The following OR1J2 variants were observed in gnomAD, a reference collection of about 807,000 sequenced individuals.
The protein encoded by OR1J2 is olfactory receptor 1J2.
For synonymous variants in OR1J2, 142 were observed against 99.7 expected (o/e 1.42, Z -2.52); for missense variants, 304 against 246.1 (o/e 1.24, Z -1.57).
At chr9:122,498,321 AC>A in the OR1J2 span, among the ~76,000 whole-genome samples, 2 of 152,148 alleles carry the variant, frequency 1.3e-5, no homozygotes, top group East Asian at 3.8e-4. Flanking sequence ...GCTCATTAAA[AC>A]AAATTTTTAA....
chr9:122,449,006 G>GT, the OR1J2 span: 1 of 140,044 alleles, frequency 7.1e-6, no homozygotes, highest in Non-Finnish European at 1.6e-5. Flanking sequence ...GCGATAATAA[G>GT]TAAAAAAAAA....
chr9:122,477,918 A>G, the OR1J2 span: 3 of 1,592,162 alleles, frequency 1.9e-6, no homozygotes, highest in Non-Finnish European at 2.6e-6. Flanking sequence ...TCTGGTTCTC[A>G]GGGCTCATGT....
At chr9:122,449,620 C>T in the OR1J2 span, among the ~76,000 whole-genome samples, 6 of 152,186 alleles carry the variant, frequency 3.9e-5, no homozygotes, top group Non-Finnish European at 7.3e-5. Flanking sequence ...CCTTCCGCCT[C>T]GGCCTTCCAA....
the OR1J2 span, among the ~76,000 whole-genome samples, chr9:122,516,973 G>GAA: frequency 1.3e-5 from 2 of 152,158 alleles, no homozygotes; most frequent in African/African-American, 4.8e-5. Context: ...TCAGGAGGGA[G>GAA]AAATAAAGGA....
At chr9:122,472,571 G>A in the OR1J2 span, among the ~76,000 whole-genome samples, 1 of 152,234 alleles carries the variant, frequency 6.6e-6, no homozygotes, top group Non-Finnish European at 1.5e-5. Context: ...GGTACCCCAT[G>A]CATTTGGCCC....
the OR1J2 span, among the ~76,000 whole-genome samples, chr9:122,496,402 C>T: frequency 7.2e-5 from 11 of 152,136 alleles, no homozygotes; most frequent in African/African-American, 7.2e-5. Flanking sequence ...AGGCTTGCCG[C>T]GGCTTCTGTG....
the OR1J2 span, among the ~76,000 whole-genome samples, chr9:122,528,362 C>T: frequency 4.6e-5 from 7 of 152,196 alleles, no homozygotes; most frequent in South Asian, 6.2e-4. Flanking sequence ...TTTGGGAGAC[C>T]GAGGCAGGCG....
the OR1J2 span, among the ~76,000 whole-genome samples, chr9:122,522,873 C>A: frequency 1.3e-5 from 2 of 152,142 alleles, no homozygotes; most frequent in South Asian, 4.1e-4. Flanking sequence ...AGTGCCTTAA[C>A]GTAATAACAC....
the OR1J2 span, among the ~76,000 whole-genome samples, chr9:122,466,116 C>G: frequency 1.3e-5 from 2 of 152,062 alleles, no homozygotes; most frequent in African/African-American, 4.8e-5. Flanking sequence ...AAGGCCAGGC[C>G]CAATATTGAA....
chr9:122,552,057 A>ACTCT, the OR1J2 span, among the ~76,000 whole-genome samples: 5,639 of 144,050 alleles, frequency 0.039, 131 homozygotes, highest in Middle Eastern at 0.079. Flanking sequence ...ACACACATAC[A>ACTCT]CTCTCTCTCT....
At chr9:122,454,614 G>A in the OR1J2 span, among the ~76,000 whole-genome samples, 1 of 152,056 alleles carries the variant, frequency 6.6e-6, no homozygotes, top group African/African-American at 2.4e-5. Flanking sequence ...GCTTCTCTGG[G>A]TAGACATCTC....
chr9:122,472,825 T>C, the OR1J2 span, among the ~76,000 whole-genome samples: 6 of 152,176 alleles, frequency 3.9e-5, no homozygotes, highest in Non-Finnish European at 8.8e-5. Context: ...AACCAACCTT[T>C]GTGCTGCCAA....
chr9:122,484,487 A>T, the OR1J2 span, among the ~76,000 whole-genome samples: 4 of 152,038 alleles, frequency 2.6e-5, no homozygotes, highest in Non-Finnish European at 5.9e-5. Flanking sequence ...AATTTAATGG[A>T]ACTACTTTGG....
Position 122,511,198 on chromosome 9 carries a change from A to G in OR1J2, c.397A>G (p.Thr133Ala), listed in dbSNP as rs1451539569. Residue 133 changes from threonine (T) to alanine (A), a missense_variant, in exon 1 of 1, where the codon ACT (threonine) becomes GCT (alanine). Transcript: ENST00000335302. Reference protein sequence around the residue: ...YVAICHPLHYTVIMREELCVF... With the variant: ...YVAICHPLHYAVIMREELCVF... ...TGCCATATGTCACCCTCTCCACTAC[A>G]CTGTCATCATGAGGGAAGAGCTCTG... 4 of 732,936 alleles carry G rather than the reference A, an allele frequency of 5.5e-6. No homozygotes were observed. The highest frequency in any genetic ancestry group is 1.5e-5 in the South Asian group (1 of 64,848). The allele number at this position is 732,936 out of a possible 1,614,324, so 45.4% of individuals were successfully genotyped here.
chr9:122,487,308 CTG>C, the OR1J2 span, among the ~76,000 whole-genome samples: 2 of 152,052 alleles, frequency 1.3e-5, no homozygotes, highest in African/African-American at 4.8e-5. Context: ...TTCAGCAAAA[CTG>C]TGAGAGAACA....
At chr9:122,511,751 C>G (rs1828642853), downstream of OR1J2, 1 of 779,782 alleles carries the variant, frequency 1.3e-6, no homozygotes, top group African/African-American at 1.7e-5. Flanking sequence ...TGACATCTGA[C>G]TTTTTAAAAA....
At chr9:122,521,773 G>A in the OR1J2 span, among the ~76,000 whole-genome samples, 4 of 152,298 alleles carry the variant, frequency 2.6e-5, no homozygotes, top group East Asian at 5.8e-4. Context: ...GCCTGACTCA[G>A]TTTCCCTGCC....
downstream of OR1J2, among the ~76,000 whole-genome samples, chr9:122,515,877 G>A (rs1459851176): frequency 6.7e-6 from 1 of 148,892 alleles, no homozygotes; most frequent in East Asian, 1.9e-4. Flanking sequence ...AGCAAACTTT[G>A]AGCCCAGGCA....
At chr9:122,461,175 A>G in the OR1J2 span, among the ~76,000 whole-genome samples, 2 of 152,042 alleles carry the variant, frequency 1.3e-5, no homozygotes, top group Non-Finnish European at 2.9e-5. Flanking sequence ...GAAAGTGGGC[A>G]TCCTTGTTTT....
Sources: gnomAD v4.1 joint callset for allele counts (sites outside exome capture counted in the v4.1 genomes callset) on GRCh38, gnomAD v4.1.1 for gene constraint, MANE v1.5 for transcripts, NCBI Gene and HGNC (gene_info 2026-07-23, HGNC 2026-07-21) for gene names.